The following SBF2 variants were observed in gnomAD, a reference collection of about 807,000 sequenced individuals.
SBF2 encodes myotubularin-related protein 13.
SBF2 carries 112 observed loss-of-function variants against 225.2 expected under a neutral mutation model. That is an observed-to-expected ratio of 0.50 (90% CI 0.43 to 0.58). The LOEUF (loss-of-function observed/expected upper bound fraction) is 0.58. Ranked by LOEUF, SBF2 falls within the 20% of genes least tolerant of loss-of-function variation. The pLI, the probability that SBF2 is intolerant of heterozygous loss-of-function variation, is 0.00. For synonymous variants in SBF2, 763 were observed against 773.3 expected (o/e 0.99, Z 0.22); for missense variants, 1,996 against 2,206.2 (o/e 0.90, Z 1.91).
At chr11:9,859,794 G>T (rs1223638787) in intron 17 of SBF2, among the ~76,000 whole-genome samples, 1 of 152,196 alleles carries the variant, frequency 6.6e-6, no homozygotes, top group East Asian at 1.9e-4. Flanking sequence ...ACCACGAAAT[G>T]TAGTACCTGT....
At position 10,057,514 on chromosome 11, in the gene SBF2, G is replaced by A. The variant is rs191887558; in HGVS notation, c.142-14533C>T. The stretch of plus-strand genomic sequence containing the variant: ...AGGGAACCCCTGGCTTGGGCCCACA[G>A]CGCAAACTCTCTATCCTGGGATGAT... On this transcript the variant is annotated intron_variant, in intron 2 of 39. Transcript: ENST00000256190. Among the ~76,000 whole-genome samples the A allele has an allele frequency of 3.3e-3, 506 of 152,268 alleles. 3 individuals are homozygous for A. The highest frequency in any genetic ancestry group is 0.012 in the African/African-American group (481 of 41,544).
chr11:10,154,188 T>C (rs951802559), intron 2 of SBF2, among the ~76,000 whole-genome samples: 1 of 152,122 alleles, frequency 6.6e-6, no homozygotes, highest in Non-Finnish European at 1.5e-5. Context: ...TGAATTCCAA[T>C]AGATTATTGC....
chr11:9,898,015 G>C (rs1181074366), intron 16 of SBF2, among the ~76,000 whole-genome samples: 1 of 151,958 alleles, frequency 6.6e-6, no homozygotes, highest in Non-Finnish European at 1.5e-5. Context: ...AGAAGGCTTA[G>C]AGCTGCCTAA....
intron 16 of SBF2, among the ~76,000 whole-genome samples, chr11:9,948,322 A>C (rs1237172827): frequency 6.6e-6 from 1 of 152,072 alleles, no homozygotes; most frequent in Non-Finnish European, 1.5e-5. Flanking sequence ...AGATGGAAAA[A>C]GTTATGGAGA....
intron 17 of SBF2, among the ~76,000 whole-genome samples, chr11:9,866,817 T>G (rs1015289092): frequency 6.6e-6 from 1 of 152,116 alleles, no homozygotes; most frequent in Non-Finnish European, 1.5e-5. Flanking sequence ...AGAAAATATT[T>G]ACAAACTATC....
chr11:10,166,989 AAAAAGGCTACTAATTG>A (rs1328357150), intron 2 of SBF2, among the ~76,000 whole-genome samples: 8 of 151,374 alleles, frequency 5.3e-5, no homozygotes, highest in Non-Finnish European at 1.2e-4. Flanking sequence ...ACACACACAC[AAAAAGGCTACTAATTG>A]AAAAGTTCAG....
In SBF2 at chr11:10,042,939, G is replaced by T. The variant is rs763605354; in HGVS notation, c.184C>A (p.Gln62Lys). 6.2e-7 allele frequency: 1 copy of T among 1,613,788 alleles called. No individual in the cohort carries two copies. The highest frequency in any genetic ancestry group is 8.5e-7 in the Non-Finnish European group (1 of 1,179,862). Residue 62 changes from glutamine (Q) to lysine (K), a missense_variant, in exon 3 of 40, where the codon CAG becomes AAG. Physicochemically the swap from Gln to Lys is moderately conservative, Grantham distance 53 (BLOSUM62 1). Coordinates refer to ENST00000256190, the MANE Select transcript of SBF2 (RefSeq NM_030962.4). ...GGWQLSRERK[Q>K]PTFFVVVLTD... The stretch of plus-strand genomic sequence containing the variant: ...AGGACAACCACAAAGAACGTTGGCT[G>T]CTTCCTCTCTCTGGACAGCTGCCAC...
intron 17 of SBF2, among the ~76,000 whole-genome samples, chr11:9,876,863 T>G (rs1326724882): frequency 6.6e-6 from 1 of 152,016 alleles, no homozygotes; most frequent in Non-Finnish European, 1.5e-5. Context: ...CTCAGCCTCC[T>G]GAGTAGCTGG....
intron 2 of SBF2, among the ~76,000 whole-genome samples, chr11:10,112,468 C>T (rs758777245): frequency 9.9e-5 from 15 of 152,164 alleles, no homozygotes; most frequent in Non-Finnish European, 1.8e-4. Flanking sequence ...CCTTGCCTTC[C>T]GCCATGATTG....
chr11:10,114,642 G>T (rs892339716), intron 2 of SBF2, among the ~76,000 whole-genome samples: 1 of 152,172 alleles, frequency 6.6e-6, no homozygotes. Flanking sequence ...ATCAATTATT[G>T]TATGCTTTCA....
At chr11:10,281,039 G>A (rs1044336776) in intron 1 of SBF2, among the ~76,000 whole-genome samples, 5 of 151,870 alleles carry the variant, frequency 3.3e-5, no homozygotes, top group Admixed American at 6.6e-5. Context: ...TTCTGATCTC[G>A]CCTTCTTCTG....
chr11:10,036,312 G>T (rs547964082), intron 3 of SBF2, among the ~76,000 whole-genome samples: 1 of 152,006 alleles, frequency 6.6e-6, no homozygotes, highest in Non-Finnish European at 1.5e-5. Context: ...ATTTAATGTA[G>T]ATGACAGGTT....
chr11:10,097,259 G>A (rs1197112258), intron 2 of SBF2, among the ~76,000 whole-genome samples: 1 of 152,190 alleles, frequency 6.6e-6, no homozygotes, highest in African/African-American at 2.4e-5. Context: ...GCCATCACCA[G>A]ACAACAAACT....
At chr11:10,228,304 GC>G (rs1958669805) in intron 1 of SBF2, among the ~76,000 whole-genome samples, 1 of 152,030 alleles carries the variant, frequency 6.6e-6, no homozygotes, top group Non-Finnish European at 1.5e-5. Flanking sequence ...CTAATTGAAT[GC>G]CCTTTATTTC....
chr11:10,233,143 A>G (rs7103637), intron 1 of SBF2, among the ~76,000 whole-genome samples: 16,129 of 152,220 alleles, frequency 0.11, 1,007 homozygotes, highest in Non-Finnish European at 0.11. Context: ...ACTAATTTTC[A>G]TATCTTTTCA....
intron 1 of SBF2, among the ~76,000 whole-genome samples, chr11:10,270,972 G>A (rs1442222543): frequency 2.2e-5 from 3 of 133,500 alleles, no homozygotes; most frequent in African/African-American, 5.7e-5. Flanking sequence ...TCCAGCCTGG[G>A]CGACAGAGCA....
chr11:10,228,798 C>A (rs1469263511), intron 1 of SBF2, among the ~76,000 whole-genome samples: 1 of 152,080 alleles, frequency 6.6e-6, no homozygotes, highest in Non-Finnish European at 1.5e-5. Context: ...TGTGTCTCTG[C>A]CAGGCTTTGG....
intron 16 of SBF2, among the ~76,000 whole-genome samples, chr11:9,939,874 TC>T (rs1865146134): frequency 6.6e-6 from 1 of 152,198 alleles, no homozygotes; most frequent in African/African-American, 2.4e-5. Flanking sequence ...AAAGCCTCGC[TC>T]CTAAACTGTG....
At chr11:10,181,807 T>C (rs529054996) in intron 2 of SBF2, among the ~76,000 whole-genome samples, 46 of 152,312 alleles carry the variant, frequency 3.0e-4, no homozygotes, top group African/African-American at 9.4e-4. Flanking sequence ...AATAATTTGC[T>C]ATAAAAGTAG....
Sources: allele counts gnomAD v4.1 joint callset (sites outside exome capture counted in the v4.1 genomes callset), GRCh38; gene constraint gnomAD v4.1.1; transcripts MANE v1.5; gene names NCBI Gene and HGNC (gene_info 2026-07-23, HGNC 2026-07-21).